ZDHHC2: variants seen among roughly 807,000 people sequenced by gnomAD.
The protein encoded by ZDHHC2 is zDHHC palmitoyltransferase 2, also known as palmitoyltransferase ZDHHC2.
Under a neutral mutation model 55.6 loss-of-function variants are expected in ZDHHC2, and 51 were observed. The observed-to-expected ratio is 0.92, with a 90% confidence interval of 0.73 to 1.16. The LOEUF (loss-of-function observed/expected upper bound fraction) is 1.16, where lower values mean the gene tolerates loss of function less well. Ranked by LOEUF, ZDHHC2 falls within the 50% of genes most tolerant of loss-of-function variation. The pLI is 0.00. For missense variants in ZDHHC2, 491 were observed against 442.4 expected (o/e 1.11, Z -0.99); for synonymous variants, 199 against 152.9 (o/e 1.30, Z -2.22).
At chr8:17,215,441 G>GT in intron 11 of ZDHHC2, 92 bp downstream of exon 11, 1 of 965,460 alleles carries the variant, frequency 1.0e-6, no homozygotes, top group Non-Finnish European at 1.6e-6. Flanking sequence ...ACCTACAGAT[G>GT]TTTTCTTAGT....
At chr8:17,181,934 T>C (rs1805452018) in intron 1 of ZDHHC2, among the ~76,000 whole-genome samples, 2 of 152,192 alleles carry the variant, frequency 1.3e-5, no homozygotes, top group Admixed American at 6.5e-5. Context: ...ACAATAACTT[T>C]GTATTTTATG....
chr8:17,193,684 G>T (rs553109824), intron 3 of ZDHHC2, among the ~76,000 whole-genome samples: 37 of 152,372 alleles, frequency 2.4e-4, no homozygotes, highest in African/African-American at 7.9e-4. Context: ...TCCAAAGACT[G>T]CAGTCAAAAA....
chr8:17,204,825 A>T (rs1807015777), intron 6 of ZDHHC2, among the ~76,000 whole-genome samples: 1 of 152,078 alleles, frequency 6.6e-6, no homozygotes, highest in South Asian at 2.1e-4. Flanking sequence ...ATAAAATATA[A>T]ATAAATAATT....
Position 17,156,488 on chromosome 8 carries a change from TCGGCCTCCGCTCGCAGCCG to T in ZDHHC2, c.-234_-216del. On this transcript the variant is annotated 5_prime_UTR_variant, in exon 1 of 13. Coordinates refer to ENST00000262096, the MANE Select transcript of ZDHHC2 (RefSeq NM_016353.5). ...CGCCTCACCGCCCCCCTCCGCCTCC[TCGGCCTCCGCTCGCAGCCG>T]CCGCCTCCGCCTCCGCCGGGCTGAG... 1 of 158,372 alleles carries T rather than the reference TCGGCCTCCGCTCGCAGCCG, an allele frequency of 6.3e-6. No homozygotes were observed. The highest frequency in any genetic ancestry group is 1.8e-4 in the South Asian group (1 of 5,620). 9.8% of individuals were successfully genotyped at this position (158,372 alleles called of 1,614,324 possible).
At chr8:17,174,643 A>G (rs891854416) in intron 1 of ZDHHC2, among the ~76,000 whole-genome samples, 4 of 150,372 alleles carry the variant, frequency 2.7e-5, no homozygotes, top group Admixed American at 6.6e-5. Flanking sequence ...GAGACTTCCC[A>G]TATCTTGGTT....
rs1374724165 is a variant in ZDHHC2 at position 17,161,061 on chromosome 8, C to G, written c.130+4208C>G. 2.0e-5 allele frequency among the ~76,000 whole-genome samples: 3 copies of G among 152,166 alleles called. No homozygotes were observed. In the East Asian group the frequency reaches 5.8e-4, roughly 29 times the overall value. On this transcript the variant is annotated intron_variant, in intron 1 of 12. Coordinates refer to ENST00000262096, the MANE Select transcript of ZDHHC2 (RefSeq NM_016353.5). ...TACTTAGGGATCAGTTTGAGAGATA[C>G]GCTGCCATGTTTTCATTCTTTTAAA...
intron 6 of ZDHHC2, among the ~76,000 whole-genome samples, chr8:17,199,907 T>C (rs1299248278): frequency 1.3e-5 from 2 of 151,832 alleles, no homozygotes; most frequent in Non-Finnish European, 2.9e-5. Context: ...TACAGGCGCC[T>C]GTAACCTCAC....
intron 5 of ZDHHC2, among the ~76,000 whole-genome samples, chr8:17,198,135 G>T (rs993051171): frequency 6.6e-6 from 1 of 151,998 alleles, no homozygotes; most frequent in African/African-American, 2.4e-5. Context: ...ATTGTTTTTA[G>T]GAAATGAGTT....
chr8:17,189,025 T>C (rs1170190733), intron 3 of ZDHHC2, among the ~76,000 whole-genome samples: 1 of 151,326 alleles, frequency 6.6e-6, no homozygotes, highest in Non-Finnish European at 1.5e-5. Context: ...TGCTCCCTGC[T>C]CCCACCCCGG....
At chr8:17,204,926 T>G (rs1807021532) in intron 6 of ZDHHC2, among the ~76,000 whole-genome samples, 1 of 152,240 alleles carries the variant, frequency 6.6e-6, no homozygotes, top group Non-Finnish European at 1.5e-5. Flanking sequence ...ATAGTTTGAT[T>G]TGTCCCCCCT....
At chr8:17,170,828 A>G (rs1485190054) in intron 1 of ZDHHC2, among the ~76,000 whole-genome samples, 2 of 152,236 alleles carry the variant, frequency 1.3e-5, no homozygotes. Flanking sequence ...AATAACCAAT[A>G]TACATGTGGG....
At chr8:17,206,638 A>G (rs1054832338) in intron 7 of ZDHHC2, among the ~76,000 whole-genome samples, 4 of 152,138 alleles carry the variant, frequency 2.6e-5, no homozygotes, top group Admixed American at 2.6e-4. Context: ...AATATCCTGA[A>G]TTTTTATTCG....
chr8:17,188,680 G>A (rs1805856337), intron 3 of ZDHHC2, among the ~76,000 whole-genome samples: 1 of 151,976 alleles, frequency 6.6e-6, no homozygotes, highest in South Asian at 2.1e-4. Flanking sequence ...GACTTTATGT[G>A]TCACCCCAGT....
At chr8:17,199,585 CTTCTTTCTTCTTCTTTATT>C (rs1563161534) in intron 6 of ZDHHC2, among the ~76,000 whole-genome samples, 7 of 66,276 alleles carry the variant, frequency 1.1e-4, no homozygotes, top group Middle Eastern at 8.1e-3. Flanking sequence ...TCTTCTTCTT[CTTCTTTCTTCTTCTTTATT>C]CTTTCTTCTT....
At chr8:17,211,374 T>C (rs1230710251) in intron 10 of ZDHHC2, among the ~76,000 whole-genome samples, 1 of 152,190 alleles carries the variant, frequency 6.6e-6, no homozygotes, top group Admixed American at 6.5e-5. Flanking sequence ...ATTGAACATT[T>C]CTTACTGATC....
At chr8:17,164,033 C>T (rs188291685) in intron 1 of ZDHHC2, among the ~76,000 whole-genome samples, 1 of 151,988 alleles carries the variant, frequency 6.6e-6, no homozygotes, top group East Asian at 1.9e-4. Flanking sequence ...ATTATCAAGG[C>T]AGGGGGTAGG....
Position 17,156,671 on chromosome 8 carries a change from G to A in ZDHHC2, c.-53G>A, listed in dbSNP as rs1179698321. ...GTGCCGGGCCCGCCCAGCCCGCCCC[G>A]GAGCCAGGCCCGCGGGCGGCGGCGG... On this transcript the variant is annotated 5_prime_UTR_variant, in exon 1 of 13. Coordinates refer to ENST00000262096, the MANE Select transcript of ZDHHC2 (RefSeq NM_016353.5). 172 of 1,198,840 alleles carry A rather than the reference G, an allele frequency of 1.4e-4. No individual in the cohort carries two copies. Among genetic ancestry groups the A allele is most frequent in the Non-Finnish European group, 1.7e-4 (167 of 967,354 alleles). 74.3% of individuals were successfully genotyped at this position (1,198,840 alleles called of 1,614,324 possible).
intron 3 of ZDHHC2, among the ~76,000 whole-genome samples, chr8:17,192,648 T>C (rs921186937): frequency 6.6e-6 from 1 of 152,226 alleles, no homozygotes; most frequent in African/African-American, 2.4e-5. Context: ...TTTGTCCACT[T>C]TTGCTTTGGT....
At chr8:17,157,059 G>A (rs931169765) in intron 1 of ZDHHC2, among the ~76,000 whole-genome samples, 2 of 151,972 alleles carry the variant, frequency 1.3e-5, no homozygotes, top group Non-Finnish European at 2.9e-5. Flanking sequence ...CCCAACTCTC[G>A]GGTTAAGGTG....
Sources: allele counts gnomAD v4.1 joint callset (sites outside exome capture counted in the v4.1 genomes callset), GRCh38; gene constraint gnomAD v4.1.1; transcripts MANE v1.5; gene names NCBI Gene and HGNC (gene_info 2026-07-23, HGNC 2026-07-21).